POT1: variants seen among roughly 807,000 people sequenced by gnomAD.
POT1 encodes protection of telomeres protein 1.
Under a neutral mutation model 78.5 loss-of-function variants are expected in POT1, and 47 were observed. The observed-to-expected ratio is 0.60, with a 90% CI of 0.47 to 0.76. The LOEUF is 0.76. POT1 is among the 30% of genes least tolerant of loss of function. POT1 has a pLI of 0.00. For synonymous variants in POT1, 259 were observed against 260.7 expected, an observed-to-expected ratio of 0.99 and a Z score of 0.06; for missense variants, 646 against 749.9, an observed-to-expected ratio of 0.86 and a Z score of 1.62.
chr7:124,867,250 ATATCTT>A (rs1267257775), intron 7 of POT1, among the ~76,000 whole-genome samples: 1 of 151,958 alleles, frequency 6.6e-6, no homozygotes, highest in African/African-American at 2.4e-5. Context: ...CTTCTAAAGA[ATATCTT>A]TGCCTTCATG....
chr7:124,864,775 T>C (rs1795681042), intron 7 of POT1, among the ~76,000 whole-genome samples: 1 of 152,204 alleles, frequency 6.6e-6, no homozygotes, highest in Non-Finnish European at 1.5e-5. Context: ...TAGTATTTTT[T>C]CTACATATTT....
intron 2 of POT1, among the ~76,000 whole-genome samples, chr7:124,925,283 C>T (rs568428466): frequency 6.6e-6 from 1 of 151,870 alleles, no homozygotes; most frequent in African/African-American, 2.4e-5. Flanking sequence ...AATCAATGTA[C>T]AAAAATCAGT....
chr7:124,834,760 T>G (rs1375241113), intron 15 of POT1, among the ~76,000 whole-genome samples: 1 of 152,140 alleles, frequency 6.6e-6, no homozygotes, highest in Non-Finnish European at 1.5e-5. Context: ...ACCCAAAGGA[T>G]TATAAATCAT....
chr7:124,875,712 G>A (rs1795975694), intron 6 of POT1, among the ~76,000 whole-genome samples: 1 of 152,108 alleles, frequency 6.6e-6, no homozygotes. Context: ...ATTGATGCAT[G>A]AAAATATGTT....
intron 3 of POT1, among the ~76,000 whole-genome samples, chr7:124,913,777 G>C (rs1796948370): frequency 6.6e-6 from 1 of 151,990 alleles, no homozygotes. Flanking sequence ...CTTCTAATTG[G>C]AACGTCTTTT....
chr7:124,914,737 T>C (rs980955749), intron 3 of POT1, among the ~76,000 whole-genome samples: 5 of 152,176 alleles, frequency 3.3e-5, no homozygotes, highest in Admixed American at 3.3e-4. Context: ...GATGACTTAA[T>C]GTCAATGGTA....
At chr7:124,853,231 G>C (rs1311516285) in intron 9 of POT1, 93 bp from the exon 10 acceptor site, 1 of 925,980 alleles carries the variant, frequency 1.1e-6, no homozygotes, top group African/African-American at 1.7e-5. Flanking sequence ...GGGCCAATGA[G>C]GGCACTGACC....
At chr7:124,882,392 C>A (rs1376219183) in intron 6 of POT1, among the ~76,000 whole-genome samples, 4 of 152,014 alleles carry the variant, frequency 2.6e-5, no homozygotes, top group Non-Finnish European at 4.4e-5. Context: ...AGGAAACTTA[C>A]TGTACAATAC....
chr7:124,879,844 C>T (rs1453115784), intron 6 of POT1, among the ~76,000 whole-genome samples: 1 of 152,108 alleles, frequency 6.6e-6, no homozygotes, highest in East Asian at 1.9e-4. Context: ...TTAACGGTTT[C>T]ATCTAAAAAC....
Position 124,863,653 on chromosome 7 carries a change from G to C in POT1, c.256-13C>G. 1.9e-6 allele frequency: 3 copies of C among 1,588,912 alleles called. No homozygotes were observed. Among genetic ancestry groups the C allele is most frequent in the South Asian group, 1.1e-5 (1 of 87,740 alleles). ...TATATACTTGAATCTAAGAAAGTAG[G>C]GCAAAGTAGAAAACAGATACAAATA... On this transcript the variant is annotated splice_polypyrimidine_tract_variant and intron_variant, in intron 7 of 18. Coordinates refer to ENST00000357628, the MANE Select transcript of POT1 (RefSeq NM_015450.3).
chr7:124,887,557 AAT>A (rs1294565684), intron 6 of POT1, among the ~76,000 whole-genome samples: 1 of 152,144 alleles, frequency 6.6e-6, no homozygotes, highest in African/African-American at 2.4e-5. Flanking sequence ...ATGGTTTTGT[AAT>A]ATGAAGTCAA....
chr7:124,926,952 G>A (rs1316233932), intron 2 of POT1, among the ~76,000 whole-genome samples: 8 of 152,160 alleles, frequency 5.3e-5, no homozygotes, highest in Non-Finnish European at 8.8e-5. Context: ...TGGAGTGGAT[G>A]ATGGGAGGTT....
chr7:124,855,280 TAG>T (rs1795420012), intron 9 of POT1, among the ~76,000 whole-genome samples: 1 of 142,400 alleles, frequency 7.0e-6, no homozygotes, highest in South Asian at 2.2e-4. Flanking sequence ...GTTCGATGTG[TAG>T]AGTTTTATTT....
chr7:124,883,776 CTTTT>C (rs1378939510), intron 6 of POT1, among the ~76,000 whole-genome samples: 1 of 151,524 alleles, frequency 6.6e-6, no homozygotes, highest in East Asian at 1.9e-4. Flanking sequence ...CTGCAAAAGG[CTTTT>C]TTGTTTTAAA....
intron 2 of POT1, among the ~76,000 whole-genome samples, chr7:124,917,572 T>C (rs1474813237): frequency 6.6e-6 from 1 of 152,080 alleles, no homozygotes; most frequent in Admixed American, 6.6e-5. Context: ...ACGTACAGCT[T>C]TGAACAATAA....
chr7:124,860,398 C>A (rs1795561647), intron 8 of POT1, among the ~76,000 whole-genome samples: 1 of 152,052 alleles, frequency 6.6e-6, no homozygotes, highest in South Asian at 2.1e-4. Context: ...GTACACAATT[C>A]TCTATTGTTA....
chr7:124,927,134 G>C (rs1334040413), intron 2 of POT1, among the ~76,000 whole-genome samples: 1 of 152,116 alleles, frequency 6.6e-6, no homozygotes, highest in African/African-American at 2.4e-5. Flanking sequence ...CTCATTTCTT[G>C]AAAGACATTT....
chr7:124,822,731 G>C lies in POT1; in HGVS notation c.*1231C>G. The C allele has an allele frequency of 4.0e-6, 1 of 250,546 alleles. No individual in the cohort carries two copies. The highest frequency in any genetic ancestry group is 8.8e-6 in the Non-Finnish European group (1 of 113,146). 15.5% of individuals were successfully genotyped at this position (250,546 alleles called of 1,614,324 possible). On this transcript the variant is annotated 3_prime_UTR_variant, in exon 19 of 19. Transcript: ENST00000357628. ...ATTGTCTCAAACAAGCTGATAAGTC[G>C]ATGATGGGGGACATTGGTAGTTAGG...
chr7:124,897,547 T>C (rs1263001901), intron 4 of POT1, among the ~76,000 whole-genome samples: 1 of 151,864 alleles, frequency 6.6e-6, no homozygotes, highest in Non-Finnish European at 1.5e-5. Flanking sequence ...ATCAGTCCAA[T>C]AGAAGTGGAA....
Sources: allele counts gnomAD v4.1 joint callset (sites outside exome capture counted in the v4.1 genomes callset), GRCh38; gene constraint gnomAD v4.1.1; transcripts MANE v1.5; gene names NCBI Gene and HGNC (gene_info 2026-07-23, HGNC 2026-07-21).